GRIK5: variants seen among roughly 807,000 people sequenced by gnomAD.
GRIK5 encodes glutamate ionotropic receptor kainate type subunit 5.
Under a neutral mutation model 97.4 loss-of-function variants are expected in GRIK5, and 43 were observed. That is an observed-to-expected ratio of 0.44 (90% CI 0.35 to 0.57). The LOEUF (loss-of-function observed/expected upper bound fraction) is 0.57, where lower values mean the gene tolerates loss of function less well. Among genes scored for constraint, GRIK5 ranks in the 20% least tolerant of loss-of-function variants. The pLI, the probability that GRIK5 is intolerant of heterozygous loss-of-function variation, is 0.01. For synonymous variants in GRIK5, 580 were observed against 583.5 expected (o/e 0.99, Z 0.09); for missense variants, 1,015 against 1,382.0 (o/e 0.73, Z 4.21).
At chr19:42,034,456 C>A (rs890696269) in intron 12 of GRIK5, among the ~76,000 whole-genome samples, 2 of 152,158 alleles carry the variant, frequency 1.3e-5, no homozygotes, top group African/African-American at 4.8e-5. Flanking sequence ...GCCCTGCTCT[C>A]GGATCTCTCT....
At chr19:42,034,844 A>G (rs1169756520) in intron 12 of GRIK5, among the ~76,000 whole-genome samples, 1 of 128,484 alleles carries the variant, frequency 7.8e-6, no homozygotes, top group East Asian at 2.8e-4. Flanking sequence ...CCACTAGAAC[A>G]TCAGCAGTTG....
At position 42,056,740 on chromosome 19, in the gene GRIK5, G is replaced by C. The variant is rs769271168; in HGVS notation, c.825C>G (p.Pro275=). ...LGFSMFNTSH[P]FYPEFVRSLN... is the part of the protein sequence containing the mutation. ...GGCTGCGGACAAACTCAGGGTAGAA[G>C]GGGTGGGACGTGTTGAACATGGAGA... The change falls in exon 8 of 20, where the codon CCC becomes CCG. Residue 275 remains proline (P), a synonymous_variant. Transcript: ENST00000593562. The C allele has an allele frequency of 2.5e-6, 4 of 1,614,052 alleles. No homozygotes were observed. The highest frequency in any genetic ancestry group is 2.2e-5 in the East Asian group (1 of 44,890).
At chr19:42,028,278 G>C (rs1032055906) in intron 12 of GRIK5, among the ~76,000 whole-genome samples, 6 of 151,996 alleles carry the variant, frequency 3.9e-5, no homozygotes, top group African/African-American at 9.7e-5. Context: ...ATGGGGGGGG[G>C]GTGTCATCTA....
At position 42,022,567 on chromosome 19, in the gene GRIK5, G is replaced by A. The variant is rs956451667; in HGVS notation, c.1474-213C>T. On this transcript the variant is annotated intron_variant, in intron 12 of 19. Coordinates refer to ENST00000593562, the MANE Select transcript of GRIK5 (RefSeq NM_002088.5). This position sits in a 1 kb window ranked among gnomAD's most constrained non-coding sequence, Gnocchi z 4.2. ...CGCATGTCCATCCTCATCATCTCAC[G>A]TCTCCAGACACACTGACTCCGTCCC... 10 of 985,056 alleles carry A rather than the reference G, an allele frequency of 1.0e-5. No homozygotes were observed. Among genetic ancestry groups the A allele is most frequent in the South Asian group, 4.7e-5 (1 of 21,274 alleles). 61.0% of individuals were successfully genotyped at this position (985,056 alleles called of 1,614,324 possible).
In GRIK5 at chr19:42,002,452, G is replaced by T. The variant is rs1555871195; in HGVS notation, c.2514+880C>A. 1.4e-6 allele frequency: 1 copy of T among 717,696 alleles called. No homozygotes were observed. The highest frequency in any genetic ancestry group is 2.7e-5 in the East Asian group (1 of 37,284). 44.5% of individuals were successfully genotyped at this position (717,696 alleles called of 1,614,324 possible). A position where few individuals can be genotyped will look rare whatever the true frequency, so the allele number is the denominator to read the frequency against. On this transcript the variant is annotated intron_variant, in intron 19 of 19. Coordinates refer to ENST00000593562, the MANE Select transcript of GRIK5 (RefSeq NM_002088.5). The surrounding 1 kb of genome is among the most constrained non-coding windows in gnomAD (Gnocchi z 5.2). ...TGAGAAGGCAACCTGGACACGGGTG[G>T]AGGGCACCTTTACTAGCAGCATGGA...
chr19:42,001,665 C>G (rs782529474), intron 19 of GRIK5: 27 of 162,620 alleles, frequency 1.7e-4, no homozygotes, highest in Admixed American at 3.0e-4. Context: ...CTTCAGACCA[C>G]AGCAGTCTGG....
chr19:42,009,617 A>G (rs2075535714), intron 15 of GRIK5, among the ~76,000 whole-genome samples: 1 of 151,986 alleles, frequency 6.6e-6, no homozygotes, highest in Non-Finnish European at 1.5e-5. Flanking sequence ...GAAATACAAA[A>G]ATTAGCCAAG....
At chr19:42,038,732 A>G (rs2075940374) in intron 12 of GRIK5, among the ~76,000 whole-genome samples, 2 of 152,362 alleles carry the variant, frequency 1.3e-5, no homozygotes, top group East Asian at 1.9e-4. Context: ...GCCATGAAGG[A>G]CTGCTATGAA....
intron 12 of GRIK5, among the ~76,000 whole-genome samples, chr19:42,026,107 TCCTG>T (rs2075768505): frequency 6.6e-6 from 1 of 152,120 alleles, no homozygotes; most frequent in African/African-American, 2.4e-5. Context: ...CACCTCAGCC[TCCTG>T]AGTAGCTGGG....
At chr19:42,050,879 G>C (rs1051610148) in intron 11 of GRIK5, among the ~76,000 whole-genome samples, 2 of 151,864 alleles carry the variant, frequency 1.3e-5, no homozygotes, top group African/African-American at 2.4e-5. Flanking sequence ...GCTCAGGAGA[G>C]GGAGGGAGGG....
intron 11 of GRIK5, among the ~76,000 whole-genome samples, chr19:42,045,061 T>G (rs1741705315): frequency 6.6e-6 from 1 of 152,236 alleles, no homozygotes; most frequent in Admixed American, 6.5e-5. Flanking sequence ...ATAAGTAGAT[T>G]CCTTTTACAC....
At chr19:42,059,005 C>T (rs1320273007) in intron 6 of GRIK5, among the ~76,000 whole-genome samples, 3 of 152,108 alleles carry the variant, frequency 2.0e-5, no homozygotes, top group Non-Finnish European at 4.4e-5. Context: ...CCCCATCACT[C>T]GCTCTCTGGG....
chr19:42,056,564 A>AGAG, intron 8 of GRIK5, 98 bp downstream of exon 8: 1 of 1,044,514 alleles, frequency 9.6e-7, no homozygotes, highest in South Asian at 1.4e-5. Context: ...AGGGAGGGCG[A>AGAG]GAGGGTTCTG....
rs529614443 is a variant in GRIK5 at position 42,021,338 on chromosome 19, G to A, written c.1834C>T (p.Pro612Ser). The A allele has an allele frequency of 6.2e-7, 1 of 1,613,438 alleles. No homozygotes were observed. Among genetic ancestry groups the A allele is most frequent in the South Asian group, 1.1e-5 (1 of 91,010 alleles). ...GFMQQGSEIM[P>S]RALSTRCVSG... ...ACACAGCGCGTGGACAGCGCCCGGG[G>A]CATGATCTCCGAGCCCTGCTGCATG... Residue 612 changes from proline (P) to serine (S), a missense_variant, in exon 15 of 20, where the codon CCC becomes TCC. Around this residue, in one of 5 missense-constraint regions of GRIK5, gnomAD observed 477 missense variants for 701.1 expected, o/e 0.68. Transcript: ENST00000593562. The surrounding 1 kb of genome is among the most constrained non-coding windows in gnomAD (Gnocchi z 4.2).
chr19:42,030,705 C>T (rs2075831172), intron 12 of GRIK5, among the ~76,000 whole-genome samples: 1 of 151,988 alleles, frequency 6.6e-6, no homozygotes, highest in South Asian at 2.1e-4. Flanking sequence ...CTCAAGCAAT[C>T]CTCCTGCCTT....
intron 15 of GRIK5, among the ~76,000 whole-genome samples, chr19:42,015,191 A>C (rs1455709728): frequency 6.6e-6 from 1 of 152,214 alleles, no homozygotes; most frequent in Non-Finnish European, 1.5e-5. Context: ...GAAACGGATA[A>C]ATTTCCTGCA....
chr19:42,000,938 A>T (rs1429275904), intron 19 of GRIK5, among the ~76,000 whole-genome samples: 1 of 152,136 alleles, frequency 6.6e-6, no homozygotes, highest in Non-Finnish European at 1.5e-5. Flanking sequence ...CACTTTAAAC[A>T]TCTTGCAGGC....
chr19:41,999,330 G>A lies in GRIK5; in HGVS notation c.2515-31C>T. The A allele has an allele frequency of 6.8e-7, 1 of 1,476,658 alleles. No individual in the cohort carries two copies. The highest frequency in any genetic ancestry group is 9.0e-7 in the Non-Finnish European group (1 of 1,116,602). 91.5% of individuals were successfully genotyped at this position (1,476,658 alleles called of 1,614,324 possible). On this transcript the variant is annotated intron_variant, in intron 19 of 19. Coordinates refer to ENST00000593562, the MANE Select transcript of GRIK5 (RefSeq NM_002088.5). This position sits in a 1 kb window ranked among gnomAD's most constrained non-coding sequence, Gnocchi z 5.0. ...GGTGGCGCGGGCGGTCACCGTCCCG[G>A]CGCAGTCCGCCTCCCGCCTCCCCCA... is the stretch of plus-strand genomic sequence containing the variant.
At chr19:42,005,018 A>T (rs1555872017) in intron 17 of GRIK5, among the ~76,000 whole-genome samples, 2 of 152,164 alleles carry the variant, frequency 1.3e-5, no homozygotes, top group African/African-American at 4.8e-5. Context: ...AGCTGCTAAG[A>T]TCTGGGGCAA....
Sources: allele counts gnomAD v4.1 joint callset (sites outside exome capture counted in the v4.1 genomes callset), GRCh38; gene constraint gnomAD v4.1.1; regional missense constraint gnomAD v4.1.1; non-coding constraint Gnocchi (gnomAD v3.1); transcripts MANE v1.5; gene names NCBI Gene and HGNC (gene_info 2026-07-23, HGNC 2026-07-21).